Variants in NFIA observed in about 807,000 individuals in gnomAD.
NFIA encodes nuclear factor I A.
A neutral mutation model predicts 62.8 loss-of-function variants in NFIA; 8 were observed. That is an observed-to-expected ratio of 0.13 (90% CI 0.07 to 0.23). The LOEUF is 0.23. Among genes scored for constraint, NFIA ranks in the 10% least tolerant of loss-of-function variants. The probability of loss-of-function intolerance (pLI) is 1.00; values close to 1 mark genes in which losing one functional copy is unlikely to be tolerated. For synonymous variants in NFIA, 235 were observed against 238.1 expected (o/e 0.99, Z 0.12); for missense variants, 410 against 642.1 (o/e 0.64, Z 3.91).
intron 3 of NFIA, among the ~76,000 whole-genome samples, chr1:61,310,920 C>T (rs1660074240): frequency 1.3e-5 from 2 of 152,150 alleles, no homozygotes; most frequent in Non-Finnish European, 2.9e-5. Flanking sequence ...GCTCTTTCCA[C>T]TCTTACTCAC....
intron 4 of NFIA, among the ~76,000 whole-genome samples, chr1:61,340,250 C>G (rs751935729): frequency 6.6e-6 from 1 of 152,164 alleles, no homozygotes; most frequent in African/African-American, 2.4e-5. Flanking sequence ...GGTCTCTATT[C>G]GTATGTTCAT....
intron 2 of NFIA, among the ~76,000 whole-genome samples, chr1:61,271,209 T>C (rs919968399): frequency 6.6e-6 from 1 of 152,228 alleles, no homozygotes; most frequent in Non-Finnish European, 1.5e-5. Flanking sequence ...TTTCATTTTT[T>C]TCTCAACGTG....
At chr1:61,095,179 T>C (rs1462404012) in intron 2 of NFIA, among the ~76,000 whole-genome samples, 1 of 152,194 alleles carries the variant, frequency 6.6e-6, no homozygotes, top group Non-Finnish European at 1.5e-5. Context: ...GTGGTAGATA[T>C]TTTGGACCTA....
chr1:61,119,968 G>T (rs770952089), intron 2 of NFIA, among the ~76,000 whole-genome samples: 1 of 152,158 alleles, frequency 6.6e-6, no homozygotes, highest in Non-Finnish European at 1.5e-5. Flanking sequence ...TAGAGGGTTG[G>T]TAGTTCATTA....
chr1:61,310,655 C>T (rs1249713353), intron 3 of NFIA, among the ~76,000 whole-genome samples: 1 of 152,138 alleles, frequency 6.6e-6, no homozygotes, highest in African/African-American at 2.4e-5. Context: ...CCCAGAAGTC[C>T]CAGCTCCAGC....
intron 2 of NFIA, among the ~76,000 whole-genome samples, chr1:61,199,855 C>T (rs961997502): frequency 1.3e-5 from 2 of 150,818 alleles, no homozygotes; most frequent in African/African-American, 2.4e-5. Context: ...ATTAGCCGGG[C>T]GTGGTTGTGC....
At chr1:61,215,553 T>C (rs1161456362) in intron 2 of NFIA, among the ~76,000 whole-genome samples, 2 of 152,206 alleles carry the variant, frequency 1.3e-5, no homozygotes, top group African/African-American at 4.8e-5. Context: ...AATGTAAGGT[T>C]CTTTCCACTG....
chr1:61,429,349 A>G (rs1667001820), intron 10 of NFIA, among the ~76,000 whole-genome samples: 1 of 152,196 alleles, frequency 6.6e-6, no homozygotes, highest in African/African-American at 2.4e-5. Flanking sequence ...TCCCAAGGCC[A>G]TACAATATAG....
chr1:61,206,263 A>G (rs2100597222), intron 2 of NFIA, among the ~76,000 whole-genome samples: 1 of 152,076 alleles, frequency 6.6e-6, no homozygotes, highest in Admixed American at 6.6e-5. Context: ...AAAGTGTTTC[A>G]TTTTTCAATG....
At chr1:61,143,081 C>T (rs1373536160) in intron 2 of NFIA, among the ~76,000 whole-genome samples, 1 of 152,128 alleles carries the variant, frequency 6.6e-6, no homozygotes, top group Non-Finnish European at 1.5e-5. Flanking sequence ...CCAGAATGCT[C>T]TTTTGGGCTT....
rs1355101265 is a variant in NFIA, at chr1:61,395,284, G to GT, written c.1076-8819dup. 9.7e-5 allele frequency among the ~76,000 whole-genome samples: 11 copies of GT among 113,064 alleles called. No homozygotes were observed. In the East Asian group the frequency reaches 1.6e-3, roughly 17 times the overall value. 74.2% of individuals were successfully genotyped at this position (113,064 alleles called of 152,430 possible). ...CTGTCTGCTTATTTTCTGTGTGTGT[G>GT]TGTGTTTTTTTTTTTTTTTAATGCA... On this transcript the variant is annotated intron_variant, in intron 7 of 10. Coordinates refer to ENST00000403491, the MANE Select transcript of NFIA (RefSeq NM_001134673.4).
intron 2 of NFIA, among the ~76,000 whole-genome samples, chr1:61,130,312 A>G (rs1647051706): frequency 6.6e-6 from 1 of 152,120 alleles, no homozygotes; most frequent in African/African-American, 2.4e-5. Flanking sequence ...GAGATACCAA[A>G]TGTACAACAG....
At chr1:61,279,859 A>G (rs111258070) in intron 3 of NFIA, among the ~76,000 whole-genome samples, 3,995 of 152,296 alleles carry the variant, frequency 0.026, 75 homozygotes, top group African/African-American at 0.048. Context: ...TTTTTTGGCC[A>G]AAGGCAGAGA....
chr1:61,100,335 T>G (rs1646486798), intron 2 of NFIA, among the ~76,000 whole-genome samples: 1 of 152,176 alleles, frequency 6.6e-6, no homozygotes, highest in African/African-American at 2.4e-5. Context: ...ATAGAAGATC[T>G]GTTTTGGTTA....
chr1:61,363,420 C>T (rs756251469), intron 6 of NFIA, among the ~76,000 whole-genome samples: 8 of 152,124 alleles, frequency 5.3e-5, no homozygotes, highest in Non-Finnish European at 8.8e-5. Context: ...GCCTGACCAA[C>T]ATGGAGAAAC....
intron 2 of NFIA, among the ~76,000 whole-genome samples, chr1:61,246,725 T>G (rs577837380): frequency 6.6e-6 from 1 of 152,330 alleles, no homozygotes; most frequent in East Asian, 1.9e-4. Flanking sequence ...TCTTATTAAT[T>G]ATTGCAATCA....
At chr1:61,260,998 T>C (rs986339680) in intron 2 of NFIA, among the ~76,000 whole-genome samples, 2 of 152,274 alleles carry the variant, frequency 1.3e-5, no homozygotes, top group Non-Finnish European at 2.9e-5. Flanking sequence ...TGTCTGAAGC[T>C]CCATTTGCTC....
intron 3 of NFIA, among the ~76,000 whole-genome samples, chr1:61,304,705 C>T (rs1263224829): frequency 1.3e-5 from 2 of 151,954 alleles, no homozygotes; most frequent in South Asian, 2.1e-4. Context: ...GAAAGTTCCC[C>T]TGGTCCCCCA....
intron 3 of NFIA, among the ~76,000 whole-genome samples, chr1:61,306,492 T>A (rs1557695796): frequency 6.6e-6 from 1 of 151,752 alleles, no homozygotes; most frequent in Non-Finnish European, 1.5e-5. Context: ...GCCAGGCTAG[T>A]CTCGAACTCC....
Sources: gnomAD v4.1 joint callset for allele counts (sites outside exome capture counted in the v4.1 genomes callset) on GRCh38, gnomAD v4.1.1 for gene constraint, MANE v1.5 for transcripts, NCBI Gene and HGNC (gene_info 2026-07-23, HGNC 2026-07-21) for gene names.